STRBP: variants seen among roughly 807,000 people sequenced by gnomAD.
STRBP encodes the protein spermatid perinuclear RNA-binding protein.
Under a neutral mutation model 80.1 loss-of-function variants are expected in STRBP, and 13 were observed. That is an observed-to-expected ratio of 0.16 (90% CI 0.11 to 0.26). STRBP has a LOEUF of 0.26. Ranked by LOEUF, STRBP falls within the 10% of genes least tolerant of loss-of-function variation. The pLI, the probability that STRBP is intolerant of heterozygous loss-of-function variation, is 1.00. For missense variants in STRBP, 485 were observed against 815.2 expected, an observed-to-expected ratio of 0.59 and a Z score of 4.93; for synonymous variants, 284 against 291.2, an observed-to-expected ratio of 0.98 and a Z score of 0.25.
At chr9:123,152,640 T>C (rs2037107743) in intron 11 of STRBP, among the ~76,000 whole-genome samples, 1 of 152,072 alleles carries the variant, frequency 6.6e-6, no homozygotes, top group Non-Finnish European at 1.5e-5. Flanking sequence ...AGGTCACTTA[T>C]TGTAGAATTC....
intron 13 of STRBP, among the ~76,000 whole-genome samples, chr9:123,144,470 C>A (rs1255490981): frequency 6.6e-6 from 1 of 151,934 alleles, no homozygotes; most frequent in Non-Finnish European, 1.5e-5. Context: ...TAAAAATAGC[C>A]CCGCATCAAT....
intron 14 of STRBP, among the ~76,000 whole-genome samples, chr9:123,138,572 C>T (rs548511129): frequency 6.6e-6 from 1 of 152,370 alleles, no homozygotes; most frequent in African/African-American, 2.4e-5. Flanking sequence ...TCACAGTGGA[C>T]TCCCTTTGAT....
intron 2 of STRBP, among the ~76,000 whole-genome samples, chr9:123,192,665 A>C (rs1451310877): frequency 1.3e-5 from 2 of 152,198 alleles, no homozygotes; most frequent in African/African-American, 4.8e-5. Context: ...ACTACTACAG[A>C]TATCTAATAA....
At chr9:123,181,437 C>A (rs1199085692) in intron 3 of STRBP, among the ~76,000 whole-genome samples, 1 of 152,138 alleles carries the variant, frequency 6.6e-6, no homozygotes, top group Non-Finnish European at 1.5e-5. Flanking sequence ...ATACAGACTG[C>A]CAATGTTAAA....
At chr9:123,177,554 C>A (rs1484414687) in intron 4 of STRBP, among the ~76,000 whole-genome samples, 2 of 152,016 alleles carry the variant, frequency 1.3e-5, no homozygotes, top group Non-Finnish European at 2.9e-5. Flanking sequence ...GCCTGGGCAA[C>A]AGAGCACCCT....
chr9:123,174,636 A>G (rs2038143800), intron 4 of STRBP, among the ~76,000 whole-genome samples: 1 of 152,216 alleles, frequency 6.6e-6, no homozygotes, highest in Non-Finnish European at 1.5e-5. Context: ...TCCCAACTAT[A>G]TCATTCTAAA....
Position 123,124,179 on chromosome 9 carries a change from G to C in STRBP, c.*1418C>G, listed in dbSNP as rs1349137953. 1.0e-6 allele frequency: 1 copy of C among 985,232 alleles called. No individual in the cohort carries two copies. Among genetic ancestry groups the C allele is most frequent in the African/African-American group, 1.7e-5 (1 of 57,178 alleles). The allele number at this position is 985,232 out of a possible 1,614,324, so 61.0% of individuals were successfully genotyped here. A position where few individuals can be genotyped will look rare whatever the true frequency, so the allele number is the denominator to read the frequency against. Reference sequence around the variant, plus strand: ...TTTGTGAAGCCCATTCTCATGGATGGGCCCTGTCAAGTTCCCAAAAGCAGA... The same window carrying C: ...TTTGTGAAGCCCATTCTCATGGATGCGCCCTGTCAAGTTCCCAAAAGCAGA... On this transcript the variant is annotated 3_prime_UTR_variant, in exon 19 of 19. Transcript: ENST00000348403.
chr9:123,173,601 T>C, intron 5 of STRBP, 76 bp downstream of exon 5: 1 of 1,477,498 alleles, frequency 6.8e-7, no homozygotes, highest in Non-Finnish European at 9.1e-7. Flanking sequence ...CAATTCTGGT[T>C]AATAATTTTT....
chr9:123,222,863 C>T (rs990882512), intron 2 of STRBP, among the ~76,000 whole-genome samples: 4 of 151,920 alleles, frequency 2.6e-5, no homozygotes, highest in African/African-American at 9.7e-5. Context: ...AAGTATTTAC[C>T]CAGTTGACCT....
intron 6 of STRBP, among the ~76,000 whole-genome samples, chr9:123,164,329 G>A (rs1488808632): frequency 1.3e-5 from 2 of 152,158 alleles, no homozygotes; most frequent in African/African-American, 4.8e-5. Context: ...TTACAGGTGT[G>A]AGCCACCGCA....
At chr9:123,180,907 G>A in intron 3 of STRBP, 2 of 984,032 alleles carry the variant, frequency 2.0e-6, no homozygotes, top group Non-Finnish European at 2.4e-6. Flanking sequence ...ATTTTGTTTT[G>A]AAGTCCATCG....
intron 2 of STRBP, among the ~76,000 whole-genome samples, chr9:123,208,743 T>A (rs1451667706): frequency 6.6e-6 from 1 of 152,214 alleles, no homozygotes; most frequent in African/African-American, 2.4e-5. Flanking sequence ...CCTAGCCACA[T>A]ACTTCTAGTA....
chr9:123,220,880 C>T (rs566911293), intron 2 of STRBP, among the ~76,000 whole-genome samples: 1 of 152,068 alleles, frequency 6.6e-6, no homozygotes, highest in East Asian at 1.9e-4. Flanking sequence ...AGAGCTAGTA[C>T]GCAGGATTGG....
At chr9:123,184,052 G>T in intron 3 of STRBP, 80 bp downstream of exon 3, 2 of 1,399,738 alleles carry the variant, frequency 1.4e-6, no homozygotes, top group Non-Finnish European at 9.9e-7. Context: ...TTTTTCATTT[G>T]CCCTCACTGT....
At chr9:123,233,731 C>A (rs2132585757) in intron 2 of STRBP, among the ~76,000 whole-genome samples, 2 of 152,284 alleles carry the variant, frequency 1.3e-5, no homozygotes, top group South Asian at 4.2e-4. Flanking sequence ...ATGGGAAAGT[C>A]TACATAAATA....
At chr9:123,209,237 G>A (rs545929778) in intron 2 of STRBP, among the ~76,000 whole-genome samples, 13 of 152,146 alleles carry the variant, frequency 8.5e-5, no homozygotes, top group African/African-American at 3.1e-4. Context: ...CCTCAGCTGG[G>A]GCACAGTTAA....
intron 2 of STRBP, among the ~76,000 whole-genome samples, chr9:123,197,028 A>G (rs1485804047): frequency 6.6e-6 from 1 of 152,254 alleles, no homozygotes; most frequent in Non-Finnish European, 1.5e-5. Flanking sequence ...AATATGGTAC[A>G]TATACATAAT....
At chr9:123,119,972 G>C (rs148173620), downstream of STRBP, among the ~76,000 whole-genome samples, 89 of 152,278 alleles carry the variant, frequency 5.8e-4, 2 homozygotes, top group East Asian at 0.016. Flanking sequence ...AATGGAATCT[G>C]TTAGTTCCTA....
rs2040309001 is a variant in STRBP, at chr9:123,228,504, T to C, written c.-165+8326A>G. On this transcript the variant is annotated intron_variant, in intron 2 of 18. Transcript: ENST00000348403. ...GAGCTGCACACAACATGCAGTATCC[T>C]GGAAGCCAAAAGTGAATAAAGTGTA... Among the ~76,000 whole-genome samples, 5 of 152,324 alleles carry C rather than the reference T, an allele frequency of 3.3e-5. No individual in the cohort carries two copies. In the South Asian group the frequency reaches 1.0e-3, roughly 32 times the overall value.
Sources: allele counts gnomAD v4.1 joint callset (sites outside exome capture counted in the v4.1 genomes callset), GRCh38; gene constraint gnomAD v4.1.1; transcripts MANE v1.5; gene names NCBI Gene and HGNC (gene_info 2026-07-23, HGNC 2026-07-21).